The following RSRC1 variants were observed in gnomAD, a reference collection of about 807,000 sequenced individuals.
RSRC1 encodes serine/Arginine-related protein 53.
A neutral mutation model predicts 49.1 loss-of-function variants in RSRC1; 39 were observed. That is an observed-to-expected ratio of 0.79 (90% CI 0.61 to 1.04). RSRC1 has a LOEUF of 1.04. Among genes scored for constraint, RSRC1 ranks in the 50% least tolerant of loss-of-function variants. RSRC1 has a pLI of 0.00. For missense variants in RSRC1, 388 were observed against 402.4 expected (o/e 0.96, Z 0.31); for synonymous variants, 143 against 130.8 (o/e 1.09, Z -0.63).
chr3:158,440,275 G>A (rs368819828), intron 6 of RSRC1, among the ~76,000 whole-genome samples: 7 of 152,112 alleles, frequency 4.6e-5, no homozygotes, highest in South Asian at 2.1e-4. Flanking sequence ...GAAGGATCTC[G>A]TAGGTCATGC....
chr3:158,456,554 A>C (rs1737330459), intron 6 of RSRC1, among the ~76,000 whole-genome samples: 1 of 152,184 alleles, frequency 6.6e-6, no homozygotes, highest in Admixed American at 6.5e-5. Flanking sequence ...ACATCCCATA[A>C]AGAGGGTATT....
At chr3:158,452,239 A>G (rs1373581398) in intron 6 of RSRC1, among the ~76,000 whole-genome samples, 1 of 152,156 alleles carries the variant, frequency 6.6e-6, no homozygotes, top group African/African-American at 2.4e-5. Context: ...CAAATTATTT[A>G]ATTTTCGTGG....
intron 4 of RSRC1, among the ~76,000 whole-genome samples, chr3:158,279,783 C>T (rs547094306): frequency 3.9e-5 from 6 of 152,314 alleles, no homozygotes; most frequent in African/African-American, 1.2e-4. Context: ...CATGCCACTT[C>T]CTCTTTCCTA....
intron 7 of RSRC1, among the ~76,000 whole-genome samples, chr3:158,503,088 G>A (rs1739681460): frequency 6.6e-6 from 1 of 152,156 alleles, no homozygotes; most frequent in Non-Finnish European, 1.5e-5. Context: ...GTTCCTAGAT[G>A]TAGTACTCTC....
intron 5 of RSRC1, among the ~76,000 whole-genome samples, chr3:158,298,692 C>A (rs1578305873): frequency 6.6e-6 from 1 of 152,156 alleles, no homozygotes; most frequent in African/African-American, 2.4e-5. Flanking sequence ...GTTTGAAATT[C>A]ATTGAGCCCA....
At chr3:158,515,756 C>T (rs1250532039) in intron 7 of RSRC1, among the ~76,000 whole-genome samples, 2 of 151,374 alleles carry the variant, frequency 1.3e-5, no homozygotes, top group African/African-American at 4.9e-5. Context: ...TAGATTTGGT[C>T]TTTTCACATA....
chr3:158,303,008 T>G (rs1727649727), intron 5 of RSRC1: 1 of 152,180 alleles, frequency 6.6e-6, no homozygotes, highest in Admixed American at 6.5e-5. Context: ...TTCTGGATAA[T>G]GTAGTGAGTA....
At chr3:158,448,019 A>T (rs1363001973) in intron 6 of RSRC1, among the ~76,000 whole-genome samples, 1 of 151,880 alleles carries the variant, frequency 6.6e-6, no homozygotes, top group African/African-American at 2.4e-5. Flanking sequence ...AGTGGAGTCT[A>T]AGATATGATT....
At chr3:158,192,146 A>G (rs1050885723) in intron 3 of RSRC1, among the ~76,000 whole-genome samples, 2 of 152,072 alleles carry the variant, frequency 1.3e-5, no homozygotes, top group East Asian at 3.9e-4. Context: ...GTGAGGATTA[A>G]AACAATGAAC....
intron 8 of RSRC1, among the ~76,000 whole-genome samples, chr3:158,540,934 G>A (rs1203572194): frequency 6.6e-6 from 1 of 152,140 alleles, no homozygotes; most frequent in African/African-American, 2.4e-5. Flanking sequence ...GTGATCCTTT[G>A]GAGAAGGGAA....
At chr3:158,426,361 A>G (rs190876048) in intron 6 of RSRC1, among the ~76,000 whole-genome samples, 40 of 151,584 alleles carry the variant, frequency 2.6e-4, no homozygotes, top group African/African-American at 9.7e-4. Flanking sequence ...TAAACCCTGC[A>G]AATCAGTAAG....
At chr3:158,470,353 C>CATATATATATATAT (rs1168384550) in intron 7 of RSRC1, among the ~76,000 whole-genome samples, 10 of 120,112 alleles carry the variant, frequency 8.3e-5, no homozygotes, top group African/African-American at 3.1e-4. Flanking sequence ...CACACACACA[C>CATATATATATATAT]ACACACACAT....
At chr3:158,399,684 C>T (rs187461531) in intron 6 of RSRC1, among the ~76,000 whole-genome samples, 1 of 152,260 alleles carries the variant, frequency 6.6e-6, no homozygotes, top group Non-Finnish European at 1.5e-5. Context: ...CTTATTTGGA[C>T]AGCAGAGATA....
At chr3:158,431,568 A>G (rs1008699033) in intron 6 of RSRC1, among the ~76,000 whole-genome samples, 1 of 151,922 alleles carries the variant, frequency 6.6e-6, no homozygotes, top group Non-Finnish European at 1.5e-5. Flanking sequence ...TGGCAATGAA[A>G]ATTTCAAATA....
At chr3:158,183,945 G>C (rs16828720) in intron 3 of RSRC1, among the ~76,000 whole-genome samples, 11,620 of 152,022 alleles carry the variant, frequency 0.076, 532 homozygotes, top group South Asian at 0.13. Context: ...TCTTATTGTT[G>C]ATAAAAATCC....
chr3:158,439,789 T>C (rs1436928477), intron 6 of RSRC1, among the ~76,000 whole-genome samples: 1 of 152,042 alleles, frequency 6.6e-6, no homozygotes, highest in African/African-American at 2.4e-5. Flanking sequence ...GTTGTGCACA[T>C]GTACCCTAGA....
intron 6 of RSRC1, among the ~76,000 whole-genome samples, chr3:158,382,248 A>T (rs971715585): frequency 1.3e-5 from 2 of 152,118 alleles, no homozygotes; most frequent in African/African-American, 4.8e-5. Context: ...ACCTCCTATG[A>T]TAATAGTGCC....
chr3:158,203,120 G>A lies in RSRC1; in HGVS notation c.369G>A (p.Arg123=), dbSNP rs751651770. ...GTTCTCATAGTCGTAGCAGTGAAAG[G>A]TCCAGTCACAGAAGAACGCGTAGTC... ...RLRSHSRSSE[R]SSHRRTRSRS... is the part of the protein sequence containing the mutation. The change falls in exon 4 of 10, where the codon AGG becomes AGA. Residue 123 remains arginine, a synonymous_variant. Coordinates refer to ENST00000611884, the MANE Select transcript of RSRC1 (RefSeq NM_001271838.2). 2.2e-5 allele frequency: 35 copies of A among 1,613,680 alleles called. No homozygotes were observed. The highest frequency in any genetic ancestry group is 2.8e-5 in the Non-Finnish European group (33 of 1,179,828).
chr3:158,518,554 T>A (rs1740733864), intron 7 of RSRC1, among the ~76,000 whole-genome samples: 1 of 152,068 alleles, frequency 6.6e-6, no homozygotes, highest in South Asian at 2.1e-4. Context: ...CCGGTAGAAG[T>A]ATCATTTAAT....
Sources: gnomAD v4.1 joint callset for allele counts (sites outside exome capture counted in the v4.1 genomes callset) on GRCh38, gnomAD v4.1.1 for gene constraint, MANE v1.5 for transcripts, NCBI Gene and HGNC (gene_info 2026-07-23, HGNC 2026-07-21) for gene names.